Variants in GRM7 observed in about 807,000 individuals in gnomAD.
GRM7 encodes the protein glutamate metabotropic receptor 7.
In GRM7, 35 loss-of-function variants were observed where a neutral mutation model predicts 84.5. The ratio of observed to expected loss-of-function variants is 0.41; its 90% CI spans 0.32 to 0.55. GRM7 has a LOEUF of 0.55. Ranked by LOEUF, GRM7 falls within the 20% of genes least tolerant of loss-of-function variation. The pLI is 0.19. For synonymous variants in GRM7, 487 were observed against 455.1 expected (o/e 1.07, Z -0.89); for missense variants, 1,003 against 1,194.6 (o/e 0.84, Z 2.36).
intron 8 of GRM7, among the ~76,000 whole-genome samples, chr3:7,590,836 C>A (rs1363207101): frequency 1.3e-5 from 2 of 152,150 alleles, no homozygotes; most frequent in Non-Finnish European, 2.9e-5. Flanking sequence ...TGTTCCTATT[C>A]CTCAGTAACT....
intron 1 of GRM7, among the ~76,000 whole-genome samples, chr3:6,924,834 C>T (rs968306232): frequency 6.6e-6 from 1 of 152,114 alleles, no homozygotes; most frequent in Non-Finnish European, 1.5e-5. Context: ...GATATGGATG[C>T]CTCCATACCT....
intron 2 of GRM7, among the ~76,000 whole-genome samples, chr3:7,159,963 C>G (rs1264121685): frequency 2.0e-5 from 3 of 152,092 alleles, no homozygotes; most frequent in African/African-American, 7.2e-5. Context: ...AAGCATTACC[C>G]ATGCTATTAT....
intron 1 of GRM7, among the ~76,000 whole-genome samples, chr3:7,044,997 G>T (rs949455537): frequency 4.6e-5 from 7 of 152,104 alleles, no homozygotes; most frequent in African/African-American, 1.7e-4. Flanking sequence ...ATGTACTGTT[G>T]AATGATTGGC....
chr3:7,347,286 A>G (rs2125086847), intron 4 of GRM7, among the ~76,000 whole-genome samples: 1 of 152,298 alleles, frequency 6.6e-6, no homozygotes, highest in Admixed American at 6.5e-5. Context: ...TTAGAGTTTG[A>G]GAAAACATGC....
intron 2 of GRM7, among the ~76,000 whole-genome samples, chr3:7,196,432 A>G (rs1214061756): frequency 6.6e-6 from 1 of 152,076 alleles, no homozygotes; most frequent in African/African-American, 2.4e-5. Context: ...TGCATAGTTC[A>G]CTGTAGAGTC....
At chr3:7,107,360 G>T (rs868454981) in intron 1 of GRM7, among the ~76,000 whole-genome samples, 1 of 151,998 alleles carries the variant, frequency 6.6e-6, no homozygotes, top group Non-Finnish European at 1.5e-5. Context: ...AGTCTAGACT[G>T]GTTTTCTCAA....
At chr3:7,167,208 A>C (rs1447415343) in intron 2 of GRM7, among the ~76,000 whole-genome samples, 1 of 152,218 alleles carries the variant, frequency 6.6e-6, no homozygotes, top group Non-Finnish European at 1.5e-5. Flanking sequence ...TATCGCCAAA[A>C]TAAGAAGCAC....
intron 1 of GRM7, among the ~76,000 whole-genome samples, chr3:7,002,361 G>A (rs1243054912): frequency 1.3e-5 from 2 of 152,122 alleles, no homozygotes; most frequent in African/African-American, 4.8e-5. Flanking sequence ...AGAACTATGA[G>A]CCTAACAGAT....
intron 2 of GRM7, among the ~76,000 whole-genome samples, chr3:7,266,304 AG>A (rs1476817030): frequency 3.9e-5 from 6 of 152,226 alleles, no homozygotes; most frequent in Admixed American, 3.3e-4. Context: ...TTCAAAAGAA[AG>A]CATTGAGTTT....
intron 8 of GRM7, among the ~76,000 whole-genome samples, chr3:7,642,705 G>A (rs192448647): frequency 9.2e-4 from 140 of 152,256 alleles, no homozygotes; most frequent in Middle Eastern, 3.4e-3. Context: ...GAATTTATTC[G>A]TTGGAGAACT....
intron 2 of GRM7, among the ~76,000 whole-genome samples, chr3:7,267,668 C>T (rs1166987511): frequency 6.6e-6 from 1 of 152,200 alleles, no homozygotes; most frequent in Admixed American, 6.5e-5. Flanking sequence ...GTCTCGAATC[C>T]ATCTTTCCCA....
At chr3:6,911,372 A>G (rs544749153) in intron 1 of GRM7, among the ~76,000 whole-genome samples, 53 of 152,232 alleles carry the variant, frequency 3.5e-4, no homozygotes, top group African/African-American at 1.3e-3. Context: ...CATGTAATAT[A>G]AAAAGATAAA....
At chr3:7,353,590 A>G (rs1266878380) in intron 4 of GRM7, among the ~76,000 whole-genome samples, 1 of 152,088 alleles carries the variant, frequency 6.6e-6, no homozygotes, top group Non-Finnish European at 1.5e-5. Context: ...TTGATTTGTA[A>G]CATAAAACCA....
At chr3:7,400,194 A>AT (rs1695390861) in intron 4 of GRM7, among the ~76,000 whole-genome samples, 1 of 152,218 alleles carries the variant, frequency 6.6e-6, no homozygotes, top group African/African-American at 2.4e-5. Context: ...TCCCTGGCAG[A>AT]ACCTCAGTTC....
intron 2 of GRM7, among the ~76,000 whole-genome samples, chr3:7,231,875 C>T (rs1296342868): frequency 6.6e-6 from 1 of 152,140 alleles, no homozygotes; most frequent in Non-Finnish European, 1.5e-5. Flanking sequence ...TTTATCCAGA[C>T]CCAATTTATA....
At chr3:6,878,378 C>CGTGTGTGTGTGTGTGT (rs34132725) in intron 1 of GRM7, among the ~76,000 whole-genome samples, 6 of 141,968 alleles carry the variant, frequency 4.2e-5, no homozygotes, top group Admixed American at 2.1e-4. Flanking sequence ...TATGTGTTTG[C>CGTGTGTGTGTGTGTGT]GTGTGTGTGT....
At chr3:7,200,907 T>C (rs1387492582) in intron 2 of GRM7, among the ~76,000 whole-genome samples, 2 of 151,948 alleles carry the variant, frequency 1.3e-5, no homozygotes, top group African/African-American at 4.8e-5. Context: ...GTGGTTCTTA[T>C]ATCAGTGGCC....
chr3:7,110,141 A>G (rs2125032627), intron 1 of GRM7, among the ~76,000 whole-genome samples: 1 of 152,196 alleles, frequency 6.6e-6, no homozygotes, highest in Middle Eastern at 3.4e-3. Context: ...CCTACTATGG[A>G]AAATCATTTA....
intron 7 of GRM7, among the ~76,000 whole-genome samples, chr3:7,552,979 T>C (rs1490211359): frequency 1.3e-5 from 2 of 152,232 alleles, no homozygotes; most frequent in Non-Finnish European, 2.9e-5. Flanking sequence ...TTTTTCAAAC[T>C]TTTATGCTCT....
Sources: gnomAD v4.1 joint callset for allele counts (sites outside exome capture counted in the v4.1 genomes callset) on GRCh38, gnomAD v4.1.1 for gene constraint, MANE v1.5 for transcripts, NCBI Gene and HGNC (gene_info 2026-07-23, HGNC 2026-07-21) for gene names.